TMC2: variants seen among roughly 807,000 people sequenced by gnomAD.
TMC2 encodes the protein transmembrane channel-like protein 2.
Under a neutral mutation model 105.9 loss-of-function variants are expected in TMC2, and 102 were observed. The observed-to-expected ratio is 0.96, with a 90% CI of 0.82 to 1.14. TMC2 has a LOEUF of 1.14. Among genes scored for constraint, TMC2 ranks in the 50% most tolerant of loss-of-function variants. The pLI is 0.00. For synonymous variants in TMC2, 402 were observed against 422.8 expected (o/e 0.95, Z 0.60); for missense variants, 1,093 against 1,134.3 (o/e 0.96, Z 0.52).
chr20:2,582,154 G>A (rs1033666051), intron 7 of TMC2, among the ~76,000 whole-genome samples: 5 of 152,210 alleles, frequency 3.3e-5, no homozygotes, highest in Non-Finnish European at 5.9e-5. Context: ...AGGAATCAGA[G>A]TGAAGTGCAC....
At chr20:2,617,005 T>C in intron 15 of TMC2, 67 bp from the exon 16 acceptor site, 1 of 1,599,622 alleles carries the variant, frequency 6.3e-7, no homozygotes, top group African/African-American at 1.3e-5. Flanking sequence ...TCCCATTTCC[T>C]TCTATCACCC....
Position 2,613,306 on chromosome 20 carries a change from A to G in TMC2, c.1856A>G (p.Asp619Gly). 6.2e-7 allele frequency: 1 copy of G among 1,613,968 alleles called. No homozygotes were observed. Among genetic ancestry groups the G allele is most frequent in the Non-Finnish European group, 8.5e-7 (1 of 1,179,970 alleles). ...VRFMNYCWCWDLEAGFPSYAE... is the reference protein window; with the variant it reads ...VRFMNYCWCWGLEAGFPSYAE... The stretch of plus-strand genomic sequence containing the variant: ...TTCATGAACTACTGCTGGTGCTGGG[A>G]CTTGGAGGCTGGATTTGTAGGTCAC... The change falls in exon 14 of 20, where the codon GAC becomes GGC. Residue 619 changes from aspartate to glycine, a missense_variant. Transcript: ENST00000358864.
Position 2,558,872 on chromosome 20 carries a change from G to C in TMC2, c.401+98G>C, listed in dbSNP as rs956788471. 2 of 1,280,094 alleles carry C rather than the reference G, an allele frequency of 1.6e-6. No individual in the cohort carries two copies. The highest frequency in any genetic ancestry group is 1.5e-5 in the African/African-American group (1 of 66,418). The allele number at this position is 1,280,094 out of a possible 1,614,324, so 79.3% of individuals were successfully genotyped here. Reference sequence around the variant, plus strand: ...GTGAGGGACTGATGCCCCCCTCCCCGGGGAGAGGCAGCCCGTGCCCTCGCT... The same window carrying C: ...GTGAGGGACTGATGCCCCCCTCCCCCGGGAGAGGCAGCCCGTGCCCTCGCT... On this transcript the variant is annotated intron_variant, in intron 3 of 19. Coordinates refer to ENST00000358864, the MANE Select transcript of TMC2 (RefSeq NM_080751.3). This position sits in a 1 kb window ranked among gnomAD's most constrained non-coding sequence, Gnocchi z 4.6.
chr20:2,588,286 G>A (rs1333359028), intron 7 of TMC2, among the ~76,000 whole-genome samples: 1 of 152,174 alleles, frequency 6.6e-6, no homozygotes, highest in Non-Finnish European at 1.5e-5. Flanking sequence ...AGGGACCTCA[G>A]TCCTACAAGC....
intron 14 of TMC2, 152 bp from the exon 15 acceptor site, chr20:2,615,985 T>A (rs1419244672): frequency 1.8e-6 from 1 of 544,006 alleles, no homozygotes; most frequent in Non-Finnish European, 3.2e-6. Context: ...AATAGAATGC[T>A]AAATCTAAGG....
At position 2,572,196 on chromosome 20, in the gene TMC2, T is replaced by C; in HGVS notation, c.572T>C (p.Val191Ala). 1 of 1,611,666 alleles carries C rather than the reference T, an allele frequency of 6.2e-7. No individual in the cohort carries two copies. Among genetic ancestry groups the C allele is most frequent in the Non-Finnish European group, 8.5e-7 (1 of 1,179,168 alleles). ...LTELREAQEFVEKYEGALGKG... is the reference protein window; with the variant it reads ...LTELREAQEFAEKYEGALGKG... Reference sequence around the variant, plus strand: ...CTAAGCAGGGAGGCCCAGGAATTTGTGGAGAAGTATGAAGGTGCCTTGGGA... The same window carrying C: ...CTAAGCAGGGAGGCCCAGGAATTTGCGGAGAAGTATGAAGGTGCCTTGGGA... Residue 191 changes from valine to alanine, a missense_variant, in exon 5 of 20, where the codon GTG (valine) becomes GCG (alanine). Physicochemically the swap from Val to Ala is moderately conservative, Grantham distance 64. Coordinates refer to ENST00000358864, the MANE Select transcript of TMC2 (RefSeq NM_080751.3).
chr20:2,642,027 G>C lies in TMC2; in HGVS notation c.*676G>C, dbSNP rs1414923107. On this transcript the variant is annotated 3_prime_UTR_variant, in exon 20 of 20. Coordinates refer to ENST00000358864, the MANE Select transcript of TMC2 (RefSeq NM_080751.3). ...TTGAGCCCAGGAGGCAGAGGTTGCA[G>C]TTAGCTAAGATCACGTCACTGCACT... is the stretch of plus-strand genomic sequence containing the variant. 6.6e-6 allele frequency among the ~76,000 whole-genome samples: 1 copy of C among 152,146 alleles called. No homozygotes were observed. The highest frequency in any genetic ancestry group is 1.5e-5 in the Non-Finnish European group (1 of 68,028).
rs201157710 is a variant in TMC2, at chr20:2,596,745, A to G, written c.1077-406A>G. On this transcript the variant is annotated intron_variant, in intron 9 of 19. Transcript: ENST00000358864. ...TGTGTGTGTGTGTGTGTGTGTGTGT[A>G]TGTGTGTGTGTGTTCTATCCAAGAA... Among the ~76,000 whole-genome samples, 39 of 111,556 alleles carry G rather than the reference A, an allele frequency of 3.5e-4. No homozygotes were observed. In the East Asian group the frequency reaches 5.7e-3, roughly 16 times the overall value. The allele number at this position is 111,556 out of a possible 152,430, so 73.2% of individuals were successfully genotyped here.
chr20:2,624,489 G>C, intron 17 of TMC2, 93 bp downstream of exon 17: 2 of 1,421,552 alleles, frequency 1.4e-6, no homozygotes, highest in South Asian at 2.7e-5. Context: ...TGCCTTCTTA[G>C]TCTGCACTCC....
In TMC2 at chr20:2,611,521, C is replaced by A. The variant is rs187500810; in HGVS notation, c.1594-670C>A. On this transcript the variant is annotated intron_variant, in intron 12 of 19. Coordinates refer to ENST00000358864, the MANE Select transcript of TMC2 (RefSeq NM_080751.3). ...CTCATGTTTGACTAGTTGACTAATC[C>A]TTCTTGAGGTTTTGGCCCAGCTGTC... is the stretch of plus-strand genomic sequence containing the variant. Among the ~76,000 whole-genome samples the A allele has an allele frequency of 5.3e-5, 8 of 152,228 alleles. No individual in the cohort carries two copies. In the South Asian group the frequency reaches 6.2e-4, roughly 12 times the overall value.
intron 5 of TMC2, among the ~76,000 whole-genome samples, chr20:2,574,509 A>G (rs2086128913): frequency 6.6e-6 from 1 of 152,208 alleles, no homozygotes; most frequent in Admixed American, 6.5e-5. Flanking sequence ...AATAGTAGAG[A>G]TCGAGAGCCA....
intron 12 of TMC2, 107 bp from the exon 13 acceptor site, chr20:2,612,084 A>G (rs1162604449): frequency 8.6e-7 from 1 of 1,156,112 alleles, no homozygotes; most frequent in African/African-American, 1.5e-5. Flanking sequence ...GGGAGAGCAG[A>G]AGCTAGATGG....
At chr20:2,598,345 C>T (rs1252503660) in intron 10 of TMC2, among the ~76,000 whole-genome samples, 2 of 152,092 alleles carry the variant, frequency 1.3e-5, no homozygotes, top group African/African-American at 4.8e-5. Context: ...AACCTTTGCA[C>T]GTGTGTAGGA....
chr20:2,546,629 A>G (rs1393258991), intron 2 of TMC2, among the ~76,000 whole-genome samples: 1 of 152,040 alleles, frequency 6.6e-6, no homozygotes, highest in African/African-American at 2.4e-5. Flanking sequence ...TCTTGAGTTG[A>G]AGGACATGAT....
intron 11 of TMC2, among the ~76,000 whole-genome samples, chr20:2,604,918 C>A (rs2086378075): frequency 6.6e-6 from 1 of 152,140 alleles, no homozygotes; most frequent in Admixed American, 6.5e-5. Context: ...AACAGATAAT[C>A]TAGTAATTAA....
intron 17 of TMC2, among the ~76,000 whole-genome samples, chr20:2,629,769 C>A (rs1006752682): frequency 1.3e-5 from 2 of 152,236 alleles, no homozygotes; most frequent in African/African-American, 4.8e-5. Flanking sequence ...AAGCCAGAAT[C>A]TTTTTCCTTT....
At chr20:2,598,461 G>C (rs115123885) in intron 10 of TMC2, among the ~76,000 whole-genome samples, 4,321 of 151,570 alleles carry the variant, frequency 0.029, 206 homozygotes, top group African/African-American at 0.097. Context: ...GTCACCCAGG[G>C]TGGAGTGTAG....
chr20:2,560,604 G>A (rs895933895), intron 3 of TMC2, among the ~76,000 whole-genome samples: 5 of 151,982 alleles, frequency 3.3e-5, no homozygotes, highest in African/African-American at 7.3e-5. Context: ...TTGGGAGGCC[G>A]AGGTGGGTGG....
chr20:2,596,717 A>ATGTG lies in TMC2; in HGVS notation c.1077-410_1077-407dup, dbSNP rs35925886. Among the ~76,000 whole-genome samples the ATGTG allele has an allele frequency of 6.4e-3, 942 of 146,184 alleles. 3 individuals are homozygous for ATGTG. The highest frequency in any genetic ancestry group is 0.032 in the East Asian group (159 of 4,982). The stretch of plus-strand genomic sequence containing the variant: ...CATTTTATATCAGAAAAAAATATAT[A>ATGTG]TGTGTGTGTGTGTGTGTGTGTGTGT... On this transcript the variant is annotated intron_variant, in intron 9 of 19. Transcript: ENST00000358864.
Sources: gnomAD v4.1 joint callset for allele counts (sites outside exome capture counted in the v4.1 genomes callset) on GRCh38, gnomAD v4.1.1 for gene constraint, Gnocchi (gnomAD v3.1) non-coding constraint, MANE v1.5 for transcripts, NCBI Gene and HGNC (gene_info 2026-07-23, HGNC 2026-07-21) for gene names.